The following CHSY1 variants were observed in gnomAD, a reference collection of about 807,000 sequenced individuals.
CHSY1 encodes chondroitin sulfate synthase 1, also known as N-acetylgalactosaminyl-proteoglycan 3-beta-glucuronosyltransferase 1.
In CHSY1, 13 loss-of-function variants were observed where a neutral mutation model predicts 59.8. The observed-to-expected ratio is 0.22, with a 90% CI of 0.14 to 0.35. The LOEUF (loss-of-function observed/expected upper bound fraction) is 0.35, where lower values mean the gene tolerates loss of function less well. Among genes scored for constraint, CHSY1 ranks in the 10% least tolerant of loss-of-function variants. CHSY1 has a pLI of 1.00. For synonymous variants in CHSY1, 459 were observed against 401.2 expected (o/e 1.14, Z -1.72); for missense variants, 947 against 1,030.6 (o/e 0.92, Z 1.11).
rs770823445 is a variant in CHSY1 at position 101,177,822 on chromosome 15, T to C, written c.1975A>G (p.Ile659Val). Residue 659 changes from isoleucine to valine, a missense_variant, in exon 3 of 3, where the codon ATC (isoleucine) becomes GTC (valine). This residue lies in a region of CHSY1 where 602 missense variants were observed against 676.9 expected (regional missense o/e 0.89). Transcript: ENST00000254190. ...VLGQQIYFPI[I>V]FSQYDPKIVY... ...ATCTTTGGGTCATACTGGCTGAAGA[T>C]GATTGGAAAATATATTTGTTGGCCC... The C allele has an allele frequency of 6.2e-7, 1 of 1,614,218 alleles. No individual in the cohort carries two copies. Among genetic ancestry groups the C allele is most frequent in the South Asian group, 1.1e-5 (1 of 91,084 alleles).
At chr15:101,200,588 C>T (rs2038563118) in intron 2 of CHSY1, among the ~76,000 whole-genome samples, 1 of 152,146 alleles carries the variant, frequency 6.6e-6, no homozygotes, top group Non-Finnish European at 1.5e-5. Flanking sequence ...ACCTGCCAGC[C>T]CCTGCACCCC....
chr15:101,238,657 G>A (rs1363264474), intron 1 of CHSY1, among the ~76,000 whole-genome samples: 5 of 152,206 alleles, frequency 3.3e-5, no homozygotes, highest in Non-Finnish European at 5.9e-5. Context: ...AGATGGTGTT[G>A]TTAATGTTTT....
intron 1 of CHSY1, among the ~76,000 whole-genome samples, chr15:101,244,154 T>A (rs1027166193): frequency 6.6e-6 from 1 of 152,220 alleles, no homozygotes; most frequent in Admixed American, 6.5e-5. Flanking sequence ...GCTTGTAAAC[T>A]GTAGCTAGGT....
At chr15:101,215,554 G>A (rs1405944486) in intron 2 of CHSY1, among the ~76,000 whole-genome samples, 1 of 152,198 alleles carries the variant, frequency 6.6e-6, no homozygotes, top group Non-Finnish European at 1.5e-5. Flanking sequence ...GGCCAACATG[G>A]CAAAACCCCG....
At chr15:101,199,626 C>A (rs985304234) in intron 2 of CHSY1, among the ~76,000 whole-genome samples, 22 of 152,110 alleles carry the variant, frequency 1.4e-4, no homozygotes, top group African/African-American at 5.1e-4. Flanking sequence ...TGTATTTTAC[C>A]AGTTAAAAAC....
intron 2 of CHSY1, among the ~76,000 whole-genome samples, chr15:101,219,719 C>G (rs1246124545): frequency 2.6e-5 from 4 of 152,148 alleles, no homozygotes; most frequent in African/African-American, 7.2e-5. Context: ...AAAAAAGTTT[C>G]CCATTGTTAT....
intron 2 of CHSY1, among the ~76,000 whole-genome samples, chr15:101,202,453 A>G (rs370029337): frequency 1.4e-3 from 79 of 58,016 alleles, no homozygotes; most frequent in Non-Finnish European, 1.9e-3. Flanking sequence ...GGCTGCAGGG[A>G]AGGATGGAGC....
At chr15:101,242,440 A>T (rs2039011756) in intron 1 of CHSY1, 1 of 152,292 alleles carries the variant, frequency 6.6e-6, no homozygotes, top group South Asian at 2.1e-4. Context: ...TTCAGCAGGC[A>T]GCCATGAGAA....
chr15:101,225,434 T>C (rs1486448359), intron 2 of CHSY1, among the ~76,000 whole-genome samples: 1 of 152,204 alleles, frequency 6.6e-6, no homozygotes, highest in African/African-American at 2.4e-5. Context: ...ATAGTTTGGA[T>C]ACTTGTCCCC....
intron 2 of CHSY1, among the ~76,000 whole-genome samples, chr15:101,186,077 T>C (rs1481468301): frequency 6.9e-6 from 1 of 145,208 alleles, no homozygotes; most frequent in Admixed American, 7.2e-5. Context: ...AGGCCAGGCA[T>C]GGTGGCTCAT....
chr15:101,189,202 C>T (rs1160360225), intron 2 of CHSY1, among the ~76,000 whole-genome samples: 1 of 152,240 alleles, frequency 6.6e-6, no homozygotes, highest in Non-Finnish European at 1.5e-5. Context: ...GGCCACCAGG[C>T]TTCTCTCCCA....
At chr15:101,218,986 T>C (rs572713184) in intron 2 of CHSY1, among the ~76,000 whole-genome samples, 1 of 152,328 alleles carries the variant, frequency 6.6e-6, no homozygotes, top group African/African-American at 2.4e-5. Flanking sequence ...AATGTGATCA[T>C]TAGAGTTCAA....
At chr15:101,236,720 G>A (rs983019106) in intron 1 of CHSY1, among the ~76,000 whole-genome samples, 10 of 152,130 alleles carry the variant, frequency 6.6e-5, no homozygotes, top group African/African-American at 2.2e-4. Flanking sequence ...AGCTACTAGC[G>A]AGGCTAAGGC....
chr15:101,178,604 T>G lies in CHSY1; in HGVS notation c.1193A>C (p.Asp398Ala), dbSNP rs775725501. Reference protein sequence around the residue: ...VDGQPPRRGMDSAQREALDDI... With the variant: ...VDGQPPRRGMASAQREALDDI... Reference sequence around the variant, plus strand: ...GTCCAAGGCTTCCCTCTGGGCGGAGTCCATTCCTCTTCGAGGGGGCTGGCC... The same window carrying G: ...GTCCAAGGCTTCCCTCTGGGCGGAGGCCATTCCTCTTCGAGGGGGCTGGCC... The change falls in exon 3 of 3, where the codon GAC (aspartate) becomes GCC (alanine). Residue 398 changes from aspartate to alanine, a missense_variant. Physicochemically the swap from Asp to Ala is moderately radical, Grantham distance 126 (BLOSUM62 -2). This residue lies in a region of CHSY1 where 602 missense variants were observed against 676.9 expected (regional missense o/e 0.89). Transcript: ENST00000254190. 1 of 1,614,028 alleles carries G rather than the reference T, an allele frequency of 6.2e-7. No homozygotes were observed. The highest frequency in any genetic ancestry group is 1.3e-5 in the African/African-American group (1 of 74,892).
chr15:101,250,401 G>A (rs1334173956), intron 1 of CHSY1, among the ~76,000 whole-genome samples: 2 of 152,122 alleles, frequency 1.3e-5, no homozygotes, highest in Non-Finnish European at 2.9e-5. Context: ...GACTACATTG[G>A]CTAATCCCTT....
At position 101,251,775 on chromosome 15, in the gene CHSY1, CACGACGGCG is replaced by C. The variant is rs1016468929; in HGVS notation, c.-328_-320del. On this transcript the variant is annotated 5_prime_UTR_variant, in exon 1 of 3. Transcript: ENST00000254190. ...CTCGCGCGCGGGGACGCGGGGCCGG[CACGACGGCG>C]ACGACGGCGGCGGCAGACGAGTCCG... 3.3e-5 allele frequency: 5 copies of C among 149,652 alleles called. No homozygotes were observed. The highest frequency in any genetic ancestry group is 2.0e-4 in the East Asian group (1 of 5,074). The allele number at this position is 149,652 out of a possible 1,614,324, so 9.3% of individuals were successfully genotyped here.
At chr15:101,200,736 G>C (rs2038565024) in intron 2 of CHSY1, among the ~76,000 whole-genome samples, 1 of 152,100 alleles carries the variant, frequency 6.6e-6, no homozygotes, top group Non-Finnish European at 1.5e-5. Flanking sequence ...AAATCTCTTA[G>C]GTCTCCTCTG....
chr15:101,248,953 A>ATTTTTTTT (rs565187410), intron 1 of CHSY1, among the ~76,000 whole-genome samples: 1 of 111,460 alleles, frequency 9.0e-6, no homozygotes. Context: ...AGCCTGGCTA[A>ATTTTTTTT]TTTTTTTTTT....
At chr15:101,240,411 C>G (rs1244304954) in intron 1 of CHSY1, among the ~76,000 whole-genome samples, 2 of 152,200 alleles carry the variant, frequency 1.3e-5, no homozygotes, top group Non-Finnish European at 2.9e-5. Flanking sequence ...GTCAGCTTTG[C>G]CATCAACACA....
Sources: gnomAD v4.1 joint callset for allele counts (sites outside exome capture counted in the v4.1 genomes callset) on GRCh38, gnomAD v4.1.1 for gene constraint, gnomAD v4.1.1 regional missense constraint, MANE v1.5 for transcripts, NCBI Gene and HGNC (gene_info 2026-07-23, HGNC 2026-07-21) for gene names.